Variants in MTX2 observed in about 807,000 individuals in gnomAD.
MTX2 encodes metaxin-2.
In MTX2, 35 loss-of-function variants were observed where a neutral mutation model predicts 42.3. The observed-to-expected ratio is 0.83, with a 90% CI of 0.63 to 1.10. MTX2 has a LOEUF of 1.10. Ranked by LOEUF, MTX2 falls within the 50% of genes least tolerant of loss-of-function variation. MTX2 has a pLI of 0.00. For synonymous variants in MTX2, 119 were observed against 100.9 expected (o/e 1.18, Z -1.08); for missense variants, 307 against 304.1 (o/e 1.01, Z -0.07).
intron 8 of MTX2, among the ~76,000 whole-genome samples, chr2:176,330,223 A>G (rs1684827787): frequency 6.6e-6 from 1 of 151,018 alleles, no homozygotes; most frequent in African/African-American, 2.4e-5. Context: ...GAATATATGG[A>G]TTCAGGAAGA....
chr2:176,331,498 C>CAT (rs1400908201), intron 9 of MTX2, among the ~76,000 whole-genome samples: 1 of 150,946 alleles, frequency 6.6e-6, no homozygotes, highest in African/African-American at 2.4e-5. Context: ...CTTCTATAAC[C>CAT]ATATCAAACA....
intron 3 of MTX2, among the ~76,000 whole-genome samples, chr2:176,319,491 T>C (rs993493880): frequency 6.6e-6 from 1 of 150,874 alleles, no homozygotes; most frequent in Non-Finnish European, 1.5e-5. Flanking sequence ...ATTATTGGAC[T>C]CAAGCTATCC....
chr2:176,310,023 G>C (rs1684262383), intron 3 of MTX2, among the ~76,000 whole-genome samples: 1 of 152,114 alleles, frequency 6.6e-6, no homozygotes, highest in Admixed American at 6.5e-5. Context: ...AGTTTGGCCT[G>C]TTTTTGCCGT....
chr2:176,281,693 G>A (rs1693080412), intron 1 of MTX2, among the ~76,000 whole-genome samples: 1 of 152,120 alleles, frequency 6.6e-6, no homozygotes. Flanking sequence ...TAACCAAGGT[G>A]GTACTGCCTG....
At chr2:176,318,958 CATTA>C (rs756456154) in intron 3 of MTX2, among the ~76,000 whole-genome samples, 1 of 152,138 alleles carries the variant, frequency 6.6e-6, no homozygotes, top group Non-Finnish European at 1.5e-5. Context: ...TTTATTCAAA[CATTA>C]ATTAAGGAGC....
rs182428083 is a variant in MTX2, at chr2:176,306,037, A to G, written c.135+8142A>G. Among the ~76,000 whole-genome samples, 1,181 of 152,078 alleles carry G rather than the reference A, an allele frequency of 7.8e-3. 18 individuals are homozygous for G. Among genetic ancestry groups the G allele is most frequent in the African/African-American group, 0.028 (1,142 of 41,472 alleles). ...CATCTACTCATCATTTACATTAGGT[A>G]TTTCTCCTAATGCTATCCCTCCCCC... is the stretch of plus-strand genomic sequence containing the variant. On this transcript the variant is annotated intron_variant, in intron 3 of 9. Transcript: ENST00000249442.
In MTX2 at chr2:176,269,682, G is replaced by T; in HGVS notation, c.40+13G>T. On this transcript the variant is annotated intron_variant, in intron 1 of 9. Transcript: ENST00000249442. ...TCCCAGATTGCAGGTAGCGCGGCTG[G>T]CCGCAGACCCAGAAGGTGGCGGCGC... 3 of 1,591,696 alleles carry T rather than the reference G, an allele frequency of 1.9e-6. No homozygotes were observed. Among genetic ancestry groups the T allele is most frequent in the East Asian group, 2.3e-5 (1 of 43,882 alleles).
chr2:176,273,491 T>G (rs934103634), intron 1 of MTX2, among the ~76,000 whole-genome samples: 3 of 152,200 alleles, frequency 2.0e-5, no homozygotes, highest in African/African-American at 4.8e-5. Context: ...ATCCAACACT[T>G]TGCTTATTAC....
intron 3 of MTX2, among the ~76,000 whole-genome samples, chr2:176,315,362 A>C (rs1238499507): frequency 1.3e-5 from 2 of 152,118 alleles, no homozygotes; most frequent in African/African-American, 4.8e-5. Flanking sequence ...TATTTTTCCT[A>C]TATCCACATC....
chr2:176,278,354 A>G (rs72933931), intron 1 of MTX2, among the ~76,000 whole-genome samples: 2 of 152,176 alleles, frequency 1.3e-5, no homozygotes, highest in Admixed American at 6.5e-5. Context: ...CCTGGCCAAA[A>G]CTAAATTCTT....
In MTX2 at chr2:176,337,904, A is replaced by C. The variant is rs113992329; in HGVS notation, c.*240A>C. The C allele has an allele frequency of 3.5e-6, 1 of 284,996 alleles. No individual in the cohort carries two copies. The allele number at this position is 284,996 out of a possible 1,614,324, so 17.7% of individuals were successfully genotyped here. A position where few individuals can be genotyped will look rare whatever the true frequency, so the allele number is the denominator to read the frequency against. Reference sequence around the variant, plus strand: ...AAATTTTTGTTTCCTTGAAACATGCATGCATTTAAAAATAAAGCTTAAACA... The same window carrying C: ...AAATTTTTGTTTCCTTGAAACATGCCTGCATTTAAAAATAAAGCTTAAACA... On this transcript the variant is annotated 3_prime_UTR_variant, in exon 10 of 10. Transcript: ENST00000249442.
rs911774623 is a variant in MTX2 at position 176,326,847 on chromosome 2, G to A, written c.231G>A (p.Val77=). The change falls in exon 5 of 10, where the codon GTG becomes GTA. Residue 77 remains valine (V), a synonymous_variant. Coordinates refer to ENST00000249442, the MANE Select transcript of MTX2 (RefSeq NM_006554.5). The part of the protein sequence containing the change: ...SPSGKVPFIH[V]GNQVVSELGP... ...CAGGTAAAGTACCTTTTATTCATGT[G>A]GGAAATCAAGTAGTATCAGAACTTG... 6.4e-7 allele frequency: 1 copy of A among 1,569,182 alleles called. No homozygotes were observed. The highest frequency in any genetic ancestry group is 8.7e-7 in the Non-Finnish European group (1 of 1,155,370).
At chr2:176,269,902 G>C (rs932157807) in intron 1 of MTX2, among the ~76,000 whole-genome samples, 1 of 152,118 alleles carries the variant, frequency 6.6e-6, no homozygotes, top group Non-Finnish European at 1.5e-5. Flanking sequence ...CCCTTGGGCG[G>C]TACTTTGTCC....
chr2:176,277,893 A>C (rs1198205688), intron 1 of MTX2, among the ~76,000 whole-genome samples: 1 of 152,060 alleles, frequency 6.6e-6, no homozygotes, highest in Non-Finnish European at 1.5e-5. Flanking sequence ...ATGACCTTGA[A>C]GATACGAAGC....
At chr2:176,333,476 C>T (rs1575064461) in intron 9 of MTX2, among the ~76,000 whole-genome samples, 1 of 151,614 alleles carries the variant, frequency 6.6e-6, no homozygotes, top group Non-Finnish European at 1.5e-5. Context: ...CAAAGGCATA[C>T]AGTTGTGTAA....
chr2:176,297,034 G>A (rs1048545160), intron 2 of MTX2, 127 bp downstream of exon 2: 9 of 1,048,116 alleles, frequency 8.6e-6, no homozygotes, highest in East Asian at 2.5e-5. Context: ...TGTATAATTT[G>A]TCTAGGAGGT....
intron 1 of MTX2, among the ~76,000 whole-genome samples, chr2:176,273,306 T>A (rs536828199): frequency 3.0e-4 from 46 of 152,340 alleles, no homozygotes; most frequent in African/African-American, 1.1e-3. Context: ...TAATAATTTA[T>A]CGGAAACCCT....
chr2:176,276,449 A>C (rs1174913640), intron 1 of MTX2, among the ~76,000 whole-genome samples: 1 of 152,218 alleles, frequency 6.6e-6, no homozygotes, highest in African/African-American at 2.4e-5. Context: ...TATTTTGTGG[A>C]TAAGAATACT....
At chr2:176,281,996 G>C (rs1693087634) in intron 1 of MTX2, among the ~76,000 whole-genome samples, 1 of 152,050 alleles carries the variant, frequency 6.6e-6, no homozygotes, top group African/African-American at 2.4e-5. Flanking sequence ...GTGTGTCTTT[G>C]ATTAGGAACC....
Sources: allele counts gnomAD v4.1 joint callset (sites outside exome capture counted in the v4.1 genomes callset), GRCh38; gene constraint gnomAD v4.1.1; transcripts MANE v1.5; gene names NCBI Gene and HGNC (gene_info 2026-07-23, HGNC 2026-07-21).